FLI1: variants seen among roughly 807,000 people sequenced by gnomAD.
The protein encoded by FLI1 is Friend leukemia integration 1 transcription factor.
In FLI1, 13 loss-of-function variants were observed where a neutral mutation model predicts 53.1. That is an observed-to-expected ratio of 0.24 (90% CI 0.16 to 0.39). The LOEUF (loss-of-function observed/expected upper bound fraction) is 0.39. Ranked by LOEUF, FLI1 falls within the 10% of genes least tolerant of loss-of-function variation. The pLI, the probability that FLI1 is intolerant of heterozygous loss-of-function variation, is 1.00. For synonymous variants in FLI1, 244 were observed against 236.7 expected (o/e 1.03, Z -0.28); for missense variants, 424 against 600.5 (o/e 0.71, Z 3.07).
intron 3 of FLI1, among the ~76,000 whole-genome samples, chr11:128,771,560 C>T (rs1941558030): frequency 6.6e-6 from 1 of 152,240 alleles, no homozygotes; most frequent in Non-Finnish European, 1.5e-5. Flanking sequence ...CCCTGCTTTG[C>T]CAGGAGCCTT....
At chr11:128,762,139 AG>A (rs1941145233) in intron 2 of FLI1, among the ~76,000 whole-genome samples, 1 of 152,244 alleles carries the variant, frequency 6.6e-6, no homozygotes, top group South Asian at 2.1e-4. Flanking sequence ...TTATGCCAAA[AG>A]CAATGACAGA....
upstream of FLI1, chr11:128,693,074 G>A (rs1937822504): frequency 2.0e-5 from 3 of 152,658 alleles, no homozygotes; most frequent in Admixed American, 6.5e-5. Context: ...TCCCGCGGTA[G>A]TGTCAGTTCC....
chr11:128,802,163 T>G (rs1045395131), intron 5 of FLI1, among the ~76,000 whole-genome samples: 2 of 152,224 alleles, frequency 1.3e-5, no homozygotes, highest in African/African-American at 2.4e-5. Context: ...CTGGCCTGGT[T>G]CTTCATACCC....
intron 2 of FLI1, among the ~76,000 whole-genome samples, chr11:128,765,818 CTG>C (rs67910215): frequency 0.016 from 2,485 of 152,014 alleles, 74 homozygotes; most frequent in African/African-American, 0.055. Flanking sequence ...TGTGTGTGCA[CTG>C]TGTTTGCATG....
chr11:128,695,374 G>A (rs1427596630), intron 1 of FLI1, among the ~76,000 whole-genome samples: 1 of 152,224 alleles, frequency 6.6e-6, no homozygotes, highest in Non-Finnish European at 1.5e-5. Context: ...CTTCGAGGCT[G>A]CCGCGCAACA....
chr11:128,805,211 C>G, intron 5 of FLI1, 155 bp from the exon 6 acceptor site: 1 of 526,340 alleles, frequency 1.9e-6, no homozygotes. Context: ...AATATTCCAA[C>G]CCCAGGGGGT....
chr11:128,786,173 A>G (rs1050222140), intron 5 of FLI1, among the ~76,000 whole-genome samples: 2 of 152,208 alleles, frequency 1.3e-5, no homozygotes, highest in African/African-American at 4.8e-5. Context: ...GCCAAGCTAG[A>G]GAAGCCTGCT....
At chr11:128,782,763 T>A (rs1941958755) in intron 5 of FLI1, among the ~76,000 whole-genome samples, 1 of 152,190 alleles carries the variant, frequency 6.6e-6, no homozygotes, top group South Asian at 2.1e-4. Flanking sequence ...TCTGGTTTGG[T>A]TTGGTTTTGC....
chr11:128,796,666 C>G (rs1188816422), intron 5 of FLI1, among the ~76,000 whole-genome samples: 2 of 152,214 alleles, frequency 1.3e-5, no homozygotes, highest in Non-Finnish European at 2.9e-5. Context: ...TGCTCACCTG[C>G]CAGGCCACAA....
chr11:128,703,964 T>C (rs747535496), intron 1 of FLI1, among the ~76,000 whole-genome samples: 2 of 151,066 alleles, frequency 1.3e-5, no homozygotes, highest in Non-Finnish European at 2.9e-5. Flanking sequence ...AGATTCGAAA[T>C]TGAGGTAAAT....
intron 2 of FLI1, among the ~76,000 whole-genome samples, chr11:128,767,885 G>C (rs558677088): frequency 6.6e-6 from 1 of 152,196 alleles, no homozygotes; most frequent in African/African-American, 2.4e-5. Flanking sequence ...GGGCACTGAG[G>C]CGCTGCCAGC....
chr11:128,783,265 A>G (rs1310760778), intron 5 of FLI1, among the ~76,000 whole-genome samples: 1 of 152,240 alleles, frequency 6.6e-6, no homozygotes, highest in African/African-American at 2.4e-5. Flanking sequence ...TGTGAAGGAA[A>G]CAGAGAGCCA....
chr11:128,798,120 T>C (rs540743296), intron 5 of FLI1, among the ~76,000 whole-genome samples: 1 of 152,342 alleles, frequency 6.6e-6, no homozygotes, highest in African/African-American at 2.4e-5. Context: ...AGTGAACTGT[T>C]ATGTTTTCTT....
intron 1 of FLI1, among the ~76,000 whole-genome samples, chr11:128,732,652 C>T (rs1166549768): frequency 6.6e-6 from 1 of 152,116 alleles, no homozygotes; most frequent in Non-Finnish European, 1.5e-5. Flanking sequence ...TTGGAGAAGT[C>T]AAGGAAAGCC....
At chr11:128,752,287 T>C (rs956711690) in intron 1 of FLI1, among the ~76,000 whole-genome samples, 2 of 152,222 alleles carry the variant, frequency 1.3e-5, no homozygotes, top group African/African-American at 4.8e-5. Flanking sequence ...CATTTTTAAG[T>C]ATTTACTTTG....
chr11:128,792,168 T>C (rs1942293472), intron 5 of FLI1, among the ~76,000 whole-genome samples: 1 of 152,146 alleles, frequency 6.6e-6, no homozygotes. Context: ...ATCACAAAGC[T>C]AGTATGAAAC....
intron 5 of FLI1, among the ~76,000 whole-genome samples, chr11:128,802,311 A>G (rs1942656201): frequency 6.6e-6 from 1 of 152,214 alleles, no homozygotes; most frequent in Non-Finnish European, 1.5e-5. Flanking sequence ...CCCAGAGCCT[A>G]CGGAGTGCTT....
At position 128,793,765 on chromosome 11, in the gene FLI1, A is replaced by G. The variant is rs577186575; in HGVS notation, c.656-11601A>G. On this transcript the variant is annotated intron_variant, in intron 5 of 8. Transcript: ENST00000527786. Reference sequence around the variant, plus strand: ...GCTACATTAATGATGGTGACAATGAATGCATGAGCCCTGCTACATTTTAGT... The same window carrying G: ...GCTACATTAATGATGGTGACAATGAGTGCATGAGCCCTGCTACATTTTAGT... 2.0e-5 allele frequency among the ~76,000 whole-genome samples: 3 copies of G among 152,360 alleles called. No homozygotes were observed. The East Asian group carries it at 5.8e-4, about 29-fold the overall frequency.
At chr11:128,798,667 T>C (rs989951788) in intron 5 of FLI1, among the ~76,000 whole-genome samples, 1 of 152,098 alleles carries the variant, frequency 6.6e-6, no homozygotes, top group Non-Finnish European at 1.5e-5. Context: ...AGTTCCAAGT[T>C]TGGGGAAAGC....
Sources: allele counts gnomAD v4.1 joint callset (sites outside exome capture counted in the v4.1 genomes callset), GRCh38; gene constraint gnomAD v4.1.1; transcripts MANE v1.5; gene names NCBI Gene and HGNC (gene_info 2026-07-23, HGNC 2026-07-21).